STK3: variants seen among roughly 807,000 people sequenced by gnomAD.
The protein encoded by STK3 is serine/threonine kinase 3, also known as serine/threonine-protein kinase 3.
In STK3, 41 loss-of-function variants were observed where a neutral mutation model predicts 58.0. The observed-to-expected ratio is 0.71, with a 90% CI of 0.55 to 0.92. STK3 has a LOEUF of 0.92. Among genes scored for constraint, STK3 ranks in the 40% least tolerant of loss-of-function variants. The probability of loss-of-function intolerance (pLI) is 0.00; values close to 1 mark genes in which losing one functional copy is unlikely to be tolerated. For missense variants in STK3, 479 were observed against 602.7 expected (o/e 0.79, Z 2.15); for synonymous variants, 170 against 191.0 (o/e 0.89, Z 0.91).
chr8:98,567,046 A>G (rs1485688740), intron 8 of STK3, among the ~76,000 whole-genome samples: 4 of 152,194 alleles, frequency 2.6e-5, no homozygotes, highest in Non-Finnish European at 4.4e-5. Context: ...GAACACAAAC[A>G]AGAGGTTGCA....
chr8:98,697,367 C>T (rs962839201), intron 6 of STK3, among the ~76,000 whole-genome samples: 1 of 152,136 alleles, frequency 6.6e-6, no homozygotes, highest in Non-Finnish European at 1.5e-5. Context: ...TTCAGTTCTA[C>T]TCTGATTTTA....
intron 6 of STK3, among the ~76,000 whole-genome samples, chr8:98,673,832 GAAC>G (rs1022182081): frequency 1.3e-5 from 2 of 152,022 alleles, no homozygotes; most frequent in African/African-American, 4.8e-5. Context: ...AAAATACTTA[GAAC>G]AATAGCAGTG....
intron 3 of STK3, among the ~76,000 whole-genome samples, chr8:98,406,287 TTTATG>T (rs981897533): frequency 6.4e-5 from 9 of 141,408 alleles, no homozygotes; most frequent in African/African-American, 1.8e-4. Flanking sequence ...TTTATTTTAT[TTTATG>T]TTATTTATTT....
intron 8 of STK3, 136 bp downstream of exon 8, chr8:98,579,528 A>C: frequency 9.0e-7 from 1 of 1,109,380 alleles, no homozygotes; most frequent in Non-Finnish European, 1.3e-6. Flanking sequence ...AGGCAAACCA[A>C]ATATATTTTG....
At chr8:98,626,581 A>G (rs936037049) in intron 6 of STK3, among the ~76,000 whole-genome samples, 2 of 152,234 alleles carry the variant, frequency 1.3e-5, no homozygotes, top group Non-Finnish European at 2.9e-5. Flanking sequence ...GTCAGGGGTA[A>G]GAAGGGGACT....
chr8:98,860,228 A>C (rs1836876463), intron 3 of STK3, among the ~76,000 whole-genome samples: 1 of 152,246 alleles, frequency 6.6e-6, no homozygotes, highest in Non-Finnish European at 1.5e-5. Context: ...AACATGAAAT[A>C]GATAAGTGCT....
chr8:98,868,899 C>G (rs369933765), intron 3 of STK3, among the ~76,000 whole-genome samples: 10 of 151,858 alleles, frequency 6.6e-5, no homozygotes, highest in Admixed American at 2.6e-4. Context: ...ATAGCTTGAG[C>G]CTGGGAGGTC....
chr8:98,480,734 G>A (rs1053555258), intron 10 of STK3, among the ~76,000 whole-genome samples: 3 of 152,104 alleles, frequency 2.0e-5, no homozygotes, highest in African/African-American at 7.2e-5. Flanking sequence ...TGCTGTACAC[G>A]ACTGTCCTCC....
At chr8:98,819,744 C>T (rs1834768642) in intron 1 of STK3, among the ~76,000 whole-genome samples, 1 of 152,162 alleles carries the variant, frequency 6.6e-6, no homozygotes, top group Admixed American at 6.5e-5. Context: ...CTCCAGCTCT[C>T]TATTTAGTCA....
At chr8:98,573,329 C>T (rs988769415) in intron 8 of STK3, among the ~76,000 whole-genome samples, 1 of 151,974 alleles carries the variant, frequency 6.6e-6, no homozygotes, top group Non-Finnish European at 1.5e-5. Context: ...GCTGGGGAGG[C>T]CTCAGAAAAT....
At chr8:98,451,211 C>T (rs761335373), downstream of STK3, among the ~76,000 whole-genome samples, 62 of 152,086 alleles carry the variant, frequency 4.1e-4, no homozygotes, top group Middle Eastern at 3.4e-3. Flanking sequence ...GAGCTCATGG[C>T]GTTCAATGAA....
chr8:98,901,629 T>C (rs1838659769), intron 1 of STK3, among the ~76,000 whole-genome samples: 1 of 152,250 alleles, frequency 6.6e-6, no homozygotes, highest in South Asian at 2.1e-4. Context: ...ATCTGGTCAC[T>C]GCTGGGATGT....
chr8:98,411,412 C>T (rs955512293), intron 3 of STK3, among the ~76,000 whole-genome samples: 1 of 152,334 alleles, frequency 6.6e-6, no homozygotes, highest in South Asian at 2.1e-4. Flanking sequence ...GCCAATAGGC[C>T]CCCTCACAAC....
At chr8:98,938,347 T>G (rs1449632953) in intron 1 of STK3, among the ~76,000 whole-genome samples, 3 of 152,122 alleles carry the variant, frequency 2.0e-5, no homozygotes, top group Non-Finnish European at 4.4e-5. Flanking sequence ...AGAGAGAAAG[T>G]GCAAAGTGAA....
downstream of STK3, among the ~76,000 whole-genome samples, chr8:98,369,532 G>GA (rs754759229): frequency 2.6e-5 from 4 of 152,030 alleles, no homozygotes; most frequent in Non-Finnish European, 5.9e-5. Flanking sequence ...TCCTGAAGGG[G>GA]AAAAAAACAA....
intron 1 of STK3, among the ~76,000 whole-genome samples, chr8:98,922,237 C>G (rs1253494771): frequency 2.0e-5 from 3 of 152,188 alleles, no homozygotes; most frequent in Non-Finnish European, 2.9e-5. Flanking sequence ...GACACTGTGA[C>G]AGTCATCTTG....
At position 98,825,536 on chromosome 8, in the gene STK3, T is replaced by G. The variant is rs1698340375; in HGVS notation, c.5A>C (p.Glu2Ala). 4 of 1,455,234 alleles carry G rather than the reference T, an allele frequency of 2.7e-6. No individual in the cohort carries two copies. Among genetic ancestry groups the G allele is most frequent in the Non-Finnish European group, 3.6e-6 (4 of 1,098,820 alleles). 90.1% of individuals were successfully genotyped at this position (1,455,234 alleles called of 1,614,324 possible). MEQPPAPKSKLK... is the reference protein window; with the variant it reads MAQPPAPKSKLK... ...TTACCTCTTAGGCGCCGGCGGCTGC[T>G]CCATGGCGGCCGGGGACAGAGAGAG... The change falls in exon 1 of 11, where the codon GAG becomes GCG. Residue 2 changes from glutamate to alanine, a missense_variant. Around this residue, in one of 3 missense-constraint regions of STK3, gnomAD observed 44 missense variants for 37.0 expected, o/e 1.19. Coordinates refer to ENST00000419617, the MANE Select transcript of STK3 (RefSeq NM_006281.4).
chr8:98,592,025 A>T (rs1310692042), intron 7 of STK3, among the ~76,000 whole-genome samples: 2 of 152,128 alleles, frequency 1.3e-5, no homozygotes, highest in African/African-American at 4.8e-5. Flanking sequence ...CTATTTTTTT[A>T]AACTCAGGTC....
At chr8:98,914,348 CT>C (rs1470349849) in intron 1 of STK3, among the ~76,000 whole-genome samples, 1 of 152,036 alleles carries the variant, frequency 6.6e-6, no homozygotes, top group Non-Finnish European at 1.5e-5. Flanking sequence ...GTTGAGGCTG[CT>C]GTGAGTTGTG....
Sources: gnomAD v4.1 joint callset for allele counts (sites outside exome capture counted in the v4.1 genomes callset) on GRCh38, gnomAD v4.1.1 for gene constraint, gnomAD v4.1.1 regional missense constraint, MANE v1.5 for transcripts, NCBI Gene and HGNC (gene_info 2026-07-23, HGNC 2026-07-21) for gene names.